The following RHCG variants were observed in gnomAD, a reference collection of about 807,000 sequenced individuals.
RHCG encodes the protein ammonium transporter Rh type C.
Under a neutral mutation model 55.3 loss-of-function variants are expected in RHCG, and 39 were observed. The observed-to-expected ratio is 0.70, with a 90% CI of 0.55 to 0.92. The LOEUF (loss-of-function observed/expected upper bound fraction) is 0.92. RHCG is among the 40% of genes least tolerant of loss of function. RHCG has a pLI of 0.00. For synonymous variants in RHCG, 250 were observed against 246.8 expected (o/e 1.01, Z -0.12); for missense variants, 635 against 627.9 (o/e 1.01, Z -0.12).
chr15:89,483,578 A>G (rs1303341864), intron 2 of RHCG, among the ~76,000 whole-genome samples: 1 of 152,054 alleles, frequency 6.6e-6, no homozygotes, highest in Non-Finnish European at 1.5e-5. Context: ...GCTTTTCCAG[A>G]ACCTCCTTTT....
intron 5 of RHCG, among the ~76,000 whole-genome samples, chr15:89,478,663 C>G (rs767640216): frequency 6.6e-6 from 1 of 152,178 alleles, no homozygotes; most frequent in Non-Finnish European, 1.5e-5. Flanking sequence ...CACAGGTGTG[C>G]CAGTCTGTGT....
rs564918880 is a variant in RHCG at position 89,474,581 on chromosome 15, A to G, written c.1312-1718T>C. 2.0e-5 allele frequency among the ~76,000 whole-genome samples: 3 copies of G among 152,358 alleles called. No homozygotes were observed. In the South Asian group the frequency reaches 6.2e-4, roughly 32 times the overall value. On this transcript the variant is annotated intron_variant, in intron 9 of 10. Transcript: ENST00000268122. ...TGGGGAGAGGCCAGCCTGAAGTCACAGAAAGCCCAGATTGTGGCATGTTTT... is the reference window on the plus strand; with the variant it reads ...TGGGGAGAGGCCAGCCTGAAGTCACGGAAAGCCCAGATTGTGGCATGTTTT...
At chr15:89,481,358 G>A (rs1961263704) in intron 3 of RHCG, among the ~76,000 whole-genome samples, 1 of 152,042 alleles carries the variant, frequency 6.6e-6, no homozygotes, top group South Asian at 2.1e-4. Context: ...GCCGAGGCAT[G>A]AGAATCGCTT....
At chr15:89,473,907 A>G (rs917746939) in intron 9 of RHCG, among the ~76,000 whole-genome samples, 1 of 152,256 alleles carries the variant, frequency 6.6e-6, no homozygotes, top group African/African-American at 2.4e-5. Context: ...GAACTTCTAC[A>G]TGGGGGAACT....
intron 1 of RHCG, among the ~76,000 whole-genome samples, chr15:89,494,116 G>T (rs1327099265): frequency 6.6e-6 from 1 of 151,874 alleles, no homozygotes; most frequent in East Asian, 1.9e-4. Context: ...CCTACTCTTG[G>T]GCCACACAGA....
At chr15:89,472,287 T>G (rs1961052247) in intron 10 of RHCG, among the ~76,000 whole-genome samples, 1 of 152,142 alleles carries the variant, frequency 6.6e-6, no homozygotes, top group South Asian at 2.1e-4. Flanking sequence ...CAGTGTTAGT[T>G]GACGGAAAGA....
intron 1 of RHCG, among the ~76,000 whole-genome samples, chr15:89,491,669 A>G (rs1175443673): frequency 6.6e-6 from 1 of 152,172 alleles, no homozygotes; most frequent in Non-Finnish European, 1.5e-5. Context: ...CGAGAGGCAG[A>G]GGCAGGAGAA....
chr15:89,477,308 C>T lies in RHCG; in HGVS notation c.1113-102G>A. The T allele has an allele frequency of 6.6e-7, 1 of 1,511,268 alleles. No individual in the cohort carries two copies. The highest frequency in any genetic ancestry group is 9.1e-7 in the Non-Finnish European group (1 of 1,103,798). The allele number at this position is 1,511,268 out of a possible 1,614,324, so 93.6% of individuals were successfully genotyped here. ...ACCGGGTACCACGGGCCTCAGCCTT[C>T]CCACCCACAACATGGGGACACCGGA... On this transcript the variant is annotated intron_variant, in intron 7 of 10. Transcript: ENST00000268122. The surrounding 1 kb of genome is among the most constrained non-coding windows in gnomAD (Gnocchi z 4.5).
At chr15:89,481,559 G>A (rs1961267239) in intron 3 of RHCG, among the ~76,000 whole-genome samples, 1 of 152,174 alleles carries the variant, frequency 6.6e-6, no homozygotes, top group Non-Finnish European at 1.5e-5. Context: ...CTTGATGTGG[G>A]ACCCAGCTTT....
At chr15:89,482,970 G>A (rs966991433) in intron 3 of RHCG, 97 bp downstream of exon 3, 50 of 1,238,932 alleles carry the variant, frequency 4.0e-5, no homozygotes, top group Admixed American at 4.0e-4. Flanking sequence ...TAAGTGACTC[G>A]CCAGGCTGGC....
chr15:89,492,298 G>T (rs1000480753), intron 1 of RHCG, among the ~76,000 whole-genome samples: 1 of 152,184 alleles, frequency 6.6e-6, no homozygotes, highest in Non-Finnish European at 1.5e-5. Flanking sequence ...CCCCCACCAG[G>T]CTGGCTGAGT....
Position 89,486,879 on chromosome 15 carries a change from G to T in RHCG, c.291C>A (p.Ala97=). 1.2e-6 allele frequency: 2 copies of T among 1,612,796 alleles called. No homozygotes were observed. Among genetic ancestry groups the T allele is most frequent in the Non-Finnish European group, 1.7e-6 (2 of 1,178,946 alleles). Residue 97 remains alanine, a synonymous_variant, in exon 2 of 11, where the codon GCC becomes GCA. Coordinates refer to ENST00000268122, the MANE Select transcript of RHCG (RefSeq NM_016321.3). ...SAVGFNFLLA[A]FGIQWALLMQ... is the part of the protein sequence containing the mutation. ...TGAGCAGCGCCCACTGGATGCCGAA[G>T]GCTGCCAACAGGAAGTTGAAGCCCA...
rs115907830 is a variant in RHCG at position 89,476,081 on chromosome 15, G to C, written c.1311+674C>G. Among the ~76,000 whole-genome samples the C allele has an allele frequency of 5.7e-3, 816 of 142,786 alleles. 6 individuals are homozygous for C. Among genetic ancestry groups the C allele is most frequent in the African/African-American group, 0.021 (780 of 37,556 alleles). The allele number at this position is 142,786 out of a possible 152,430, so 93.7% of individuals were successfully genotyped here. On this transcript the variant is annotated intron_variant, in intron 9 of 10. Coordinates refer to ENST00000268122, the MANE Select transcript of RHCG (RefSeq NM_016321.3). ...CCCCTCCGCTTCTCTCTCTCTCCCT[G>C]TCTCTCTCGGGATCTTGCTCTATTG...
At chr15:89,481,165 A>C (rs1241810570) in intron 3 of RHCG, among the ~76,000 whole-genome samples, 1 of 152,192 alleles carries the variant, frequency 6.6e-6, no homozygotes, top group Non-Finnish European at 1.5e-5. Context: ...AACAGGGGTA[A>C]GCCAGGCACA....
At chr15:89,489,027 G>C (rs889890308) in intron 1 of RHCG, among the ~76,000 whole-genome samples, 1 of 152,164 alleles carries the variant, frequency 6.6e-6, no homozygotes, top group Non-Finnish European at 1.5e-5. Context: ...GCACACATGT[G>C]TATGTGTGCA....
chr15:89,490,702 AAC>A (rs1267148376), intron 1 of RHCG, among the ~76,000 whole-genome samples: 5 of 152,012 alleles, frequency 3.3e-5, no homozygotes, highest in Non-Finnish European at 7.4e-5. Flanking sequence ...GCTGTTGACA[AAC>A]ACAAGGCAGT....
intron 9 of RHCG, among the ~76,000 whole-genome samples, chr15:89,475,195 T>TGCC: frequency 1.0e-5 from 1 of 99,418 alleles, no homozygotes; most frequent in South Asian, 3.6e-4. Flanking sequence ...CCTGCCTTCC[T>TGCC]TCCTTCTTTC....
In RHCG at chr15:89,475,266, C is replaced by T. The variant is rs544409753; in HGVS notation, c.1311+1489G>A. ...CCTTTTTTTTCTTCCTTTTTGGTCT[C>T]ACTCTGTCATCCAGGCTGGAGGGCA... On this transcript the variant is annotated intron_variant, in intron 9 of 10. Coordinates refer to ENST00000268122, the MANE Select transcript of RHCG (RefSeq NM_016321.3). Among the ~76,000 whole-genome samples, 3 of 151,782 alleles carry T rather than the reference C, an allele frequency of 2.0e-5. No homozygotes were observed. In the South Asian group the frequency reaches 6.2e-4, roughly 32 times the overall value.
rs111860764 is a variant in RHCG at position 89,477,049 on chromosome 15, C to T, written c.1237+33G>A. The stretch of plus-strand genomic sequence containing the variant: ...CCACCCAGGGAGCCCCACAGCAGCA[C>T]CCCCCTTCTCTGGCTCAGCCATTCC... On this transcript the variant is annotated intron_variant, in intron 8 of 10. Coordinates refer to ENST00000268122, the MANE Select transcript of RHCG (RefSeq NM_016321.3). This position sits in a 1 kb window ranked among gnomAD's most constrained non-coding sequence, Gnocchi z 4.5. The T allele has an allele frequency of 2.5e-6, 4 of 1,613,096 alleles. No individual in the cohort carries two copies. Among genetic ancestry groups the T allele is most frequent in the Admixed American group, 1.7e-5 (1 of 59,978 alleles).
Sources: allele counts gnomAD v4.1 joint callset (sites outside exome capture counted in the v4.1 genomes callset), GRCh38; gene constraint gnomAD v4.1.1; non-coding constraint Gnocchi (gnomAD v3.1); transcripts MANE v1.5; gene names NCBI Gene and HGNC (gene_info 2026-07-23, HGNC 2026-07-21).